Variants in RASIP1 observed in about 807,000 individuals in gnomAD.
RASIP1 encodes Ras interacting protein 1.
In RASIP1, 20 loss-of-function variants were observed where a neutral mutation model predicts 85.3. The observed-to-expected ratio is 0.23, with a 90% CI of 0.17 to 0.34. The LOEUF (loss-of-function observed/expected upper bound fraction) is 0.34. Ranked by LOEUF, RASIP1 falls within the 10% of genes least tolerant of loss-of-function variation. The probability of loss-of-function intolerance (pLI) is 1.00; values close to 1 mark genes in which losing one functional copy is unlikely to be tolerated. For missense variants in RASIP1, 1,170 were observed against 1,390.9 expected (o/e 0.84, Z 2.53); for synonymous variants, 617 against 647.1 (o/e 0.95, Z 0.71).
At position 48,740,024 on chromosome 19, in the gene RASIP1, C is replaced by G. The variant is rs989116789; in HGVS notation, c.137+122G>C. ...TGCCCCACCGTCTCCCCCTGCCCAC[C>G]AGCTCGTTTGCCCAATTCAGGATGA... On this transcript the variant is annotated intron_variant, in intron 2 of 11. Transcript: ENST00000222145. The surrounding 1 kb of genome is among the most constrained non-coding windows in gnomAD (Gnocchi z 5.5). The G allele has an allele frequency of 4.6e-6, 6 of 1,316,376 alleles. No homozygotes were observed. In the African/African-American group the frequency reaches 7.7e-5, roughly 17 times the overall value. 81.5% of individuals were successfully genotyped at this position (1,316,376 alleles called of 1,614,324 possible). A position where few individuals can be genotyped will look rare whatever the true frequency, so the allele number is the denominator to read the frequency against.
intron 4 of RASIP1, among the ~76,000 whole-genome samples, chr19:48,730,934 T>C (rs1013482592): frequency 2.0e-5 from 3 of 152,068 alleles, no homozygotes; most frequent in Non-Finnish European, 4.4e-5. Flanking sequence ...CAAGAATCGC[T>C]TGAACCCAGG....
At position 48,735,237 on chromosome 19, in the gene RASIP1, G is replaced by C. The variant is rs779241127; in HGVS notation, c.1138C>G (p.Arg380Gly). 5.6e-6 allele frequency: 9 copies of C among 1,613,410 alleles called. No homozygotes were observed. In the South Asian group the frequency reaches 9.9e-5, roughly 18 times the overall value. The change falls in exon 4 of 12, where the codon CGC (arginine) becomes GGC (glycine). Residue 380 changes from arginine (R) to glycine (G), a missense_variant. This residue lies in a region of RASIP1 where 301 missense variants were observed against 294.8 expected (regional missense o/e 1.02). Coordinates refer to ENST00000222145, the MANE Select transcript of RASIP1 (RefSeq NM_017805.3). ...CCCTGGAGCAGCAGGAAGTAGGGGCGGTTGCTGGGGGCCTGGATGAGGCAC... is the reference window on the plus strand; with the variant it reads ...CCCTGGAGCAGCAGGAAGTAGGGGCCGTTGCTGGGGGCCTGGATGAGGCAC... Reference protein sequence around the residue: ...TQCLIQAPSNRPYFLLLQGYQ... With the variant: ...TQCLIQAPSNGPYFLLLQGYQ...
At chr19:48,728,831 C>T in intron 5 of RASIP1, 106 bp downstream of exon 5, 2 of 1,199,534 alleles carry the variant, frequency 1.7e-6, no homozygotes, top group Admixed American at 4.2e-5. Context: ...GTCATGGGAA[C>T]AGTAGTATCC....
chr19:48,721,758 G>A (rs547973392), intron 11 of RASIP1, 96 bp downstream of exon 11: 80 of 1,417,780 alleles, frequency 5.6e-5, no homozygotes, highest in Non-Finnish European at 6.7e-5. Flanking sequence ...AGCCAAGATC[G>A]CGCCATTGCA....
In RASIP1 at chr19:48,729,236, G is replaced by A; in HGVS notation, c.1534C>T (p.Pro512Ser). 2.9e-6 allele frequency: 4 copies of A among 1,400,860 alleles called. No individual in the cohort carries two copies. Among genetic ancestry groups the A allele is most frequent in the Non-Finnish European group, 3.7e-6 (4 of 1,082,278 alleles). 86.8% of individuals were successfully genotyped at this position (1,400,860 alleles called of 1,614,324 possible). A position where few individuals can be genotyped will look rare whatever the true frequency, so the allele number is the denominator to read the frequency against. Residue 512 changes from proline (P) to serine (S), a missense_variant, in exon 5 of 12, where the codon CCA becomes TCA. Pro to Ser is a moderately conservative substitution (Grantham distance 74). This residue lies in a region of RASIP1 where 426 missense variants were observed against 576.2 expected (regional missense o/e 0.74). Transcript: ENST00000222145. ...CAGGAGAAGGCCCAGCCAGGGCCTG[G>A]CGGCGTGGCCCCGGGGCGCGCGGGC... ...WLPARPGATPPGPGWAFSCRL... is the reference protein window; with the variant it reads ...WLPARPGATPSGPGWAFSCRL...
Position 48,726,279 on chromosome 19 carries a change from T to G in RASIP1, c.2127+506A>C, listed in dbSNP as rs193066271. Among the ~76,000 whole-genome samples, 5 of 152,272 alleles carry G rather than the reference T, an allele frequency of 3.3e-5. No homozygotes were observed. The East Asian group carries it at 9.7e-4, about 29-fold the overall frequency. On this transcript the variant is annotated intron_variant, in intron 8 of 11. Coordinates refer to ENST00000222145, the MANE Select transcript of RASIP1 (RefSeq NM_017805.3). ...CTCCATCTCCCGGGTTGGAATGCAG[T>G]GGCATGAAGTAATCTTGGTTCACTG... is the stretch of plus-strand genomic sequence containing the variant.
Position 48,724,929 on chromosome 19 carries a change from T to C in RASIP1, c.2159A>G (p.Asp720Gly), listed in dbSNP as rs370144366. The C allele has an allele frequency of 6.2e-7, 1 of 1,613,628 alleles. No individual in the cohort carries two copies. The highest frequency in any genetic ancestry group is 1.3e-5 in the African/African-American group (1 of 74,874). ...TGCACCAGCTGTGAAAGGGTTACTA[T>C]CCAGGAGAGCAGGCAGCGTTGAATA... ...TLYSTLPALL[D>G]SNPFTAGAEL... Residue 720 changes from aspartate to glycine, a missense_variant, in exon 9 of 12, where the codon GAT becomes GGT. Asp to Gly is a moderately conservative substitution (Grantham distance 94). This residue lies in a region of RASIP1 where 426 missense variants were observed against 576.2 expected (regional missense o/e 0.74). Coordinates refer to ENST00000222145, the MANE Select transcript of RASIP1 (RefSeq NM_017805.3). The surrounding 1 kb of genome is among the most constrained non-coding windows in gnomAD (Gnocchi z 4.6).
chr19:48,736,961 G>A (rs1568482928), intron 3 of RASIP1, among the ~76,000 whole-genome samples: 1 of 152,100 alleles, frequency 6.6e-6, no homozygotes, highest in Non-Finnish European at 1.5e-5. Flanking sequence ...TGCTTGAACC[G>A]GGAGGTGGAG....
At chr19:48,729,635 T>C (rs1213560603) in intron 4 of RASIP1, 45 bp from the exon 5 acceptor site, 26 of 1,516,756 alleles carry the variant, frequency 1.7e-5, no homozygotes, top group Non-Finnish European at 2.2e-5. Context: ...CTTCAATCCA[T>C]ATCTTCAGAT....
intron 4 of RASIP1, among the ~76,000 whole-genome samples, chr19:48,734,009 T>A (rs2033516285): frequency 6.6e-6 from 1 of 151,498 alleles, no homozygotes; most frequent in Non-Finnish European, 1.5e-5. Context: ...TAAAAAATTT[T>A]TTTAGGCCGG....
chr19:48,739,705 G>A lies in RASIP1; in HGVS notation c.138-60C>T. The A allele has an allele frequency of 2.9e-6, 4 of 1,363,392 alleles. No individual in the cohort carries two copies. The South Asian group carries it at 6.7e-5, about 23-fold the overall frequency. 84.5% of individuals were successfully genotyped at this position (1,363,392 alleles called of 1,614,324 possible). A position where few individuals can be genotyped will look rare whatever the true frequency, so the allele number is the denominator to read the frequency against. On this transcript the variant is annotated intron_variant, in intron 2 of 11. Coordinates refer to ENST00000222145, the MANE Select transcript of RASIP1 (RefSeq NM_017805.3). The surrounding 1 kb of genome is among the most constrained non-coding windows in gnomAD (Gnocchi z 9.2). ...GAGACCCAGGACGACACGCCAAGAC[G>A]GGGGTGGGGGCATATTAGGAGGGAA...
At chr19:48,722,382 C>T (rs910729735) in intron 10 of RASIP1, among the ~76,000 whole-genome samples, 2 of 136,606 alleles carry the variant, frequency 1.5e-5, no homozygotes, top group South Asian at 2.4e-4. Flanking sequence ...GTGGCTCGAT[C>T]GTGGCTTGCT....
At chr19:48,726,935 C>T in intron 7 of RASIP1, 47 bp from the exon 8 acceptor site, 3 of 1,609,226 alleles carry the variant, frequency 1.9e-6, no homozygotes, top group Admixed American at 1.7e-5. Flanking sequence ...AGTCGGCAGC[C>T]AGGAGCCCAG....
Position 48,738,436 on chromosome 19 carries a change from G to C in RASIP1, c.823+524C>G, listed in dbSNP as rs1351792519. 3 of 152,324 alleles carry C rather than the reference G, an allele frequency of 2.0e-5. No homozygotes were observed. The highest frequency in any genetic ancestry group is 2.4e-5 in the African/African-American group (1 of 41,452). 9.4% of individuals were successfully genotyped at this position (152,324 alleles called of 1,614,324 possible). A position where few individuals can be genotyped will look rare whatever the true frequency, so the allele number is the denominator to read the frequency against. On this transcript the variant is annotated intron_variant, in intron 3 of 11. Coordinates refer to ENST00000222145, the MANE Select transcript of RASIP1 (RefSeq NM_017805.3). The surrounding 1 kb of genome is among the most constrained non-coding windows in gnomAD (Gnocchi z 4.0). ...CTTACCAGAAAGTGGGGATTGGTTA[G>C]AGAAAGGAACTTTCAAAGATCAGCA...
At chr19:48,731,502 C>T (rs1365321072) in intron 4 of RASIP1, among the ~76,000 whole-genome samples, 2 of 152,182 alleles carry the variant, frequency 1.3e-5, no homozygotes, top group African/African-American at 2.4e-5. Context: ...AATGCCTTCA[C>T]GGACAACCTC....
In RASIP1 at chr19:48,724,415, G is replaced by A. The variant is rs371421430; in HGVS notation, c.2466C>T (p.Gly822=). 4.1e-5 allele frequency: 66 copies of A among 1,614,142 alleles called. No individual in the cohort carries two copies. The African/African-American group carries it at 6.0e-4, about 15-fold the overall frequency. The part of the protein sequence containing the change: ...VLDWLQGAGL[G]DIATEFFRKL... ...TCCGGAAGAACTCAGTGGCAATGTC[G>A]CCCAGCCCAGCTCCCTGTAGCCAGT... The change falls in exon 10 of 12, where the codon GGC becomes GGT. Residue 822 remains glycine (G), a synonymous_variant. Transcript: ENST00000222145. This position sits in a 1 kb window ranked among gnomAD's most constrained non-coding sequence, Gnocchi z 4.6.
intron 4 of RASIP1, among the ~76,000 whole-genome samples, chr19:48,730,101 C>T (rs1014290939): frequency 6.6e-6 from 1 of 152,118 alleles, no homozygotes; most frequent in African/African-American, 2.4e-5. Flanking sequence ...GTGGACTCTT[C>T]CCAGGCACTT....
rs965882501 is a variant in RASIP1 at position 48,739,548 on chromosome 19, C to T, written c.235G>A (p.Gly79Arg). 7.3e-6 allele frequency: 11 copies of T among 1,514,822 alleles called. No homozygotes were observed. Among genetic ancestry groups the T allele is most frequent in the African/African-American group, 1.4e-5 (1 of 71,456 alleles). The allele number at this position is 1,514,822 out of a possible 1,614,324, so 93.8% of individuals were successfully genotyped here. A position where few individuals can be genotyped will look rare whatever the true frequency, so the allele number is the denominator to read the frequency against. Residue 79 changes from glycine (G) to arginine (R), a missense_variant, in exon 3 of 12, where the codon GGG (glycine) becomes AGG (arginine). Gly to Arg is a moderately radical substitution (Grantham distance 125, BLOSUM62 -2). This residue lies in a region of RASIP1 where 299 missense variants were observed against 394.4 expected (regional missense o/e 0.76). Coordinates refer to ENST00000222145, the MANE Select transcript of RASIP1 (RefSeq NM_017805.3). This position sits in a 1 kb window ranked among gnomAD's most constrained non-coding sequence, Gnocchi z 9.2. Reference protein sequence around the residue: ...LRRVGAVKAAGGASGSRAKRI... With the variant: ...LRRVGAVKAARGASGSRAKRI... The stretch of plus-strand genomic sequence containing the variant: ...TTGGCGCGGCTACCGGAGGCTCCCC[C>T]GGCCGCCTTGACAGCGCCCACTCGC...
Position 48,738,603 on chromosome 19 carries a change from G to T in RASIP1, c.823+357C>A, listed in dbSNP as rs559367973. 8.3e-5 allele frequency: 15 copies of T among 180,294 alleles called. No individual in the cohort carries two copies. Among genetic ancestry groups the T allele is most frequent in the African/African-American group, 3.5e-4 (15 of 42,554 alleles). The allele number at this position is 180,294 out of a possible 1,614,324, so 11.2% of individuals were successfully genotyped here. A position where few individuals can be genotyped will look rare whatever the true frequency, so the allele number is the denominator to read the frequency against. On this transcript the variant is annotated intron_variant, in intron 3 of 11. Transcript: ENST00000222145. The surrounding 1 kb of genome is among the most constrained non-coding windows in gnomAD (Gnocchi z 4.0). ...CGCTACACACCCCACCTCCTCCAAG[G>T]CAGTCTGAAATGCCTGCAGAAGGCC...
Sources: gnomAD v4.1 joint callset for allele counts (sites outside exome capture counted in the v4.1 genomes callset) on GRCh38, gnomAD v4.1.1 for gene constraint, gnomAD v4.1.1 regional missense constraint, Gnocchi (gnomAD v3.1) non-coding constraint, MANE v1.5 for transcripts, NCBI Gene and HGNC (gene_info 2026-07-23, HGNC 2026-07-21) for gene names.